MACC1: variants seen among roughly 807,000 people sequenced by gnomAD.
MACC1 encodes the protein metastasis-associated in colon cancer protein 1.
A neutral mutation model predicts 70.7 loss-of-function variants in MACC1; 79 were observed. The ratio of observed to expected loss-of-function variants is 1.12; its 90% CI spans 0.93 to 1.35. The LOEUF (loss-of-function observed/expected upper bound fraction) is 1.35, where lower values mean the gene tolerates loss of function less well. Ranked by LOEUF, MACC1 falls within the 40% of genes most tolerant of loss-of-function variation. The probability of loss-of-function intolerance (pLI) is 0.00; values close to 1 mark genes in which losing one functional copy is unlikely to be tolerated. For missense variants in MACC1, 1,106 were observed against 978.1 expected, an observed-to-expected ratio of 1.13 and a Z score of -1.74; for synonymous variants, 361 against 347.2, an observed-to-expected ratio of 1.04 and a Z score of -0.44.
At chr7:20,197,380 T>C (rs904469566) in intron 1 of MACC1, among the ~76,000 whole-genome samples, 2 of 152,208 alleles carry the variant, frequency 1.3e-5, no homozygotes, top group Non-Finnish European at 2.9e-5. Context: ...TACCAATTTC[T>C]TGACCCCTCC....
chr7:20,148,458 C>T (rs936316226), intron 6 of MACC1, among the ~76,000 whole-genome samples: 3 of 152,050 alleles, frequency 2.0e-5, no homozygotes, highest in African/African-American at 7.2e-5. Context: ...TCTGAAATTC[C>T]TTATTGTTTA....
rs770888163 is a variant in MACC1 at position 20,140,826 on chromosome 7, GACACAC to G, written c.*114_*119del. 7.5e-6 allele frequency: 4 copies of G among 535,034 alleles called. No individual in the cohort carries two copies. Among genetic ancestry groups the G allele is most frequent in the South Asian group, 5.3e-5 (2 of 37,586 alleles). 33.1% of individuals were successfully genotyped at this position (535,034 alleles called of 1,614,324 possible). On this transcript the variant is annotated 3_prime_UTR_variant, in exon 7 of 7. Transcript: ENST00000400331. ...CTACACACACACACACACACACACA[GACACAC>G]ACACACAGACACACACACACAGACA...
chr7:20,172,373 A>C (rs1477585041), intron 1 of MACC1, among the ~76,000 whole-genome samples: 1 of 152,220 alleles, frequency 6.6e-6, no homozygotes, highest in Non-Finnish European at 1.5e-5. Context: ...TACGTAGTCC[A>C]ACATAAAGAA....
At chr7:20,179,529 A>G (rs1226427498) in intron 1 of MACC1, among the ~76,000 whole-genome samples, 1 of 152,156 alleles carries the variant, frequency 6.6e-6, no homozygotes, top group African/African-American at 2.4e-5. Context: ...CTTCTGTCCC[A>G]TGATGGTATT....
At chr7:20,200,023 A>ATGTGTG (rs57904550) in intron 1 of MACC1, among the ~76,000 whole-genome samples, 3 of 149,170 alleles carry the variant, frequency 2.0e-5, no homozygotes, top group African/African-American at 4.9e-5. Context: ...CTATACCATT[A>ATGTGTG]TGTGTGTGTG....
intron 1 of MACC1, among the ~76,000 whole-genome samples, chr7:20,203,922 A>G (rs963981441): frequency 1.3e-5 from 2 of 152,218 alleles, no homozygotes; most frequent in Non-Finnish European, 2.9e-5. Context: ...CAGTACCTTC[A>G]TAAGCAATGT....
intron 1 of MACC1, among the ~76,000 whole-genome samples, chr7:20,188,951 T>C (rs1206608302): frequency 2.6e-5 from 4 of 152,246 alleles, no homozygotes; most frequent in Non-Finnish European, 5.9e-5. Flanking sequence ...TCTGGCCTTG[T>C]TTCTTGTGTG....
intron 1 of MACC1, among the ~76,000 whole-genome samples, chr7:20,204,519 G>C (rs535101604): frequency 6.6e-6 from 1 of 151,874 alleles, no homozygotes; most frequent in South Asian, 2.1e-4. Flanking sequence ...TTTTTTTTCA[G>C]CCTGAACGTC....
At chr7:20,176,047 T>C (rs1782388188) in intron 1 of MACC1, among the ~76,000 whole-genome samples, 3 of 152,072 alleles carry the variant, frequency 2.0e-5, no homozygotes, top group South Asian at 2.1e-4. Flanking sequence ...GCCCATTTCA[T>C]AGGGCAGGTG....
At chr7:20,198,120 T>C (rs1583408970) in intron 1 of MACC1, among the ~76,000 whole-genome samples, 1 of 152,166 alleles carries the variant, frequency 6.6e-6, no homozygotes, top group Non-Finnish European at 1.5e-5. Flanking sequence ...GATGTCTGGG[T>C]ATTGGCAAGA....
chr7:20,190,686 G>A (rs890680678), intron 1 of MACC1, among the ~76,000 whole-genome samples: 2 of 152,148 alleles, frequency 1.3e-5, no homozygotes. Context: ...GAAAAAAAAT[G>A]GAAAGGTTTT....
chr7:20,160,464 T>C (rs993281821), intron 4 of MACC1, among the ~76,000 whole-genome samples: 1 of 152,200 alleles, frequency 6.6e-6, no homozygotes, highest in South Asian at 2.1e-4. Flanking sequence ...TTTTTGAACA[T>C]ATGTAATGTT....
intron 2 of MACC1, among the ~76,000 whole-genome samples, chr7:20,169,822 C>A (rs1208979822): frequency 6.6e-6 from 1 of 152,194 alleles, no homozygotes; most frequent in East Asian, 1.9e-4. Context: ...ACCCCACATG[C>A]TGTTCATAAG....
chr7:20,140,206 C>T lies in MACC1; in HGVS notation c.*740G>A, dbSNP rs992963948. On this transcript the variant is annotated 3_prime_UTR_variant, in exon 7 of 7. Coordinates refer to ENST00000400331, the MANE Select transcript of MACC1 (RefSeq NM_182762.4). ...GTAGCAAGTCTCACTTAAAATGAAA[C>T]GGCAACTGTTTCCCTGTAAGTCTTA... is the stretch of plus-strand genomic sequence containing the variant. The T allele has an allele frequency of 1.1e-4, 16 of 152,150 alleles. No individual in the cohort carries two copies. Among genetic ancestry groups the T allele is most frequent in the African/African-American group, 2.7e-4 (11 of 41,446 alleles). 9.4% of individuals were successfully genotyped at this position (152,150 alleles called of 1,614,324 possible).
Position 20,136,796 on chromosome 7 carries a change from C to T in MACC1, c.*4150G>A, listed in dbSNP as rs919897134. ...CTTCTCCTCCTTGCGATTATTATTG[C>T]GATTAAGGATTATTATTAATTCTTA... On this transcript the variant is annotated 3_prime_UTR_variant, in exon 7 of 7. Transcript: ENST00000400331. 6.0e-5 allele frequency: 9 copies of T among 150,640 alleles called. No individual in the cohort carries two copies. The highest frequency in any genetic ancestry group is 4.2e-4 in the South Asian group (2 of 4,792). The allele number at this position is 150,640 out of a possible 1,614,324, so 9.3% of individuals were successfully genotyped here. A position where few individuals can be genotyped will look rare whatever the true frequency, so the allele number is the denominator to read the frequency against.
At chr7:20,212,209 C>A (rs752979610) in intron 1 of MACC1, among the ~76,000 whole-genome samples, 1 of 152,090 alleles carries the variant, frequency 6.6e-6, no homozygotes, top group Non-Finnish European at 1.5e-5. Flanking sequence ...TAAGTCTTTG[C>A]AATATCTATC....
rs186769705 is a variant in MACC1, at chr7:20,200,429, T to A, written c.-218+16870A>T. Among the ~76,000 whole-genome samples, 152 of 152,320 alleles carry A rather than the reference T, an allele frequency of 1.0e-3. 2 individuals are homozygous for A. The highest frequency in any genetic ancestry group is 7.7e-3 in the Admixed American group (118 of 15,308). On this transcript the variant is annotated intron_variant, in intron 1 of 6. Transcript: ENST00000400331. Reference sequence around the variant, plus strand: ...GGAAAAAAGAGGTTACTGGGAGACCTTTGATATCAGTATTTCCTACCAATT... The same window carrying A: ...GGAAAAAAGAGGTTACTGGGAGACCATTGATATCAGTATTTCCTACCAATT...
At chr7:20,210,704 G>A (rs1234119420) in intron 1 of MACC1, among the ~76,000 whole-genome samples, 3 of 152,148 alleles carry the variant, frequency 2.0e-5, no homozygotes, top group Non-Finnish European at 2.9e-5. Flanking sequence ...CATCAATGAG[G>A]AGGGATGGCA....
chr7:20,160,572 A>T (rs1447154913), intron 4 of MACC1, among the ~76,000 whole-genome samples: 2 of 152,140 alleles, frequency 1.3e-5, no homozygotes, highest in African/African-American at 4.8e-5. Flanking sequence ...TCAGACTAGC[A>T]TGTGCTTATG....
Sources: gnomAD v4.1 joint callset for allele counts (sites outside exome capture counted in the v4.1 genomes callset) on GRCh38, gnomAD v4.1.1 for gene constraint, MANE v1.5 for transcripts, NCBI Gene and HGNC (gene_info 2026-07-23, HGNC 2026-07-21) for gene names.